The following NUP160 variants were observed in gnomAD, a reference collection of about 807,000 sequenced individuals.
NUP160 encodes nucleoporin 160.
A neutral mutation model predicts 196.9 loss-of-function variants in NUP160; 94 were observed. That is an observed-to-expected ratio of 0.48 (90% confidence interval 0.40 to 0.57). NUP160 has a LOEUF of 0.57. Ranked by LOEUF, NUP160 falls within the 20% of genes least tolerant of loss-of-function variation. NUP160 has a pLI of 0.00. For missense variants in NUP160, 1,638 were observed against 1,748.3 expected (o/e 0.94, Z 1.13); for synonymous variants, 605 against 619.7 (o/e 0.98, Z 0.35).
In NUP160 at chr11:47,806,314, T is replaced by G; in HGVS notation, c.2447-2A>C. ...CCACAATAGTCTGAGGACTAGATAC[T>G]TAAAAAGAAAAAGTTATGACAGTTT... On this transcript the variant is annotated splice_acceptor_variant, in intron 19 of 35. Coordinates refer to ENST00000378460, the Ensembl canonical transcript of NUP160. LOFTEE classifies it high-confidence loss of function. 1 of 1,604,566 alleles carries G rather than the reference T, an allele frequency of 6.2e-7. No homozygotes were observed. Among genetic ancestry groups the G allele is most frequent in the Non-Finnish European group, 8.5e-7 (1 of 1,174,662 alleles).
chr11:47,846,360 T>C (rs1238565119), intron 2 of NUP160, among the ~76,000 whole-genome samples: 1 of 152,146 alleles, frequency 6.6e-6, no homozygotes, highest in Non-Finnish European at 1.5e-5. Context: ...AATGCCTACT[T>C]GACATTTCCA....
chr11:47,848,058 A>G (rs1274265884), intron 1 of NUP160, 99 bp from the exon 2 acceptor site: 1 of 1,273,058 alleles, frequency 7.9e-7, no homozygotes, highest in African/African-American at 1.5e-5. Flanking sequence ...GACAACCCAT[A>G]CAAAGAAAAG....
intron 23 of NUP160, among the ~76,000 whole-genome samples, chr11:47,798,822 C>T (rs2097672420): frequency 6.6e-6 from 1 of 151,558 alleles, no homozygotes; most frequent in Non-Finnish European, 1.5e-5. Context: ...ATAGCACGAC[C>T]CTGTCTCTAT....
chr11:47,811,764 G>GA (rs1256092978), intron 17 of NUP160, among the ~76,000 whole-genome samples: 1 of 152,096 alleles, frequency 6.6e-6, no homozygotes, highest in Non-Finnish European at 1.5e-5. Flanking sequence ...TTGCTGCACA[G>GA]ATCAACCCAA....
intron 2 of NUP160, among the ~76,000 whole-genome samples, chr11:47,842,424 G>A (rs1417793676): frequency 2.0e-5 from 3 of 152,070 alleles, no homozygotes; most frequent in Admixed American, 6.6e-5. Flanking sequence ...CCTGCCTTAC[G>A]GTTAAAGTTG....
chr11:47,788,373 T>C, intron 30 of NUP160, 68 bp from the exon 31 acceptor site: 1 of 1,600,330 alleles, frequency 6.2e-7, no homozygotes, highest in Admixed American at 1.7e-5. Flanking sequence ...AGATTTTGTT[T>C]TGTTGATGAG....
At chr11:47,794,772 C>T (rs1468666772) in intron 27 of NUP160, among the ~76,000 whole-genome samples, 2 of 151,694 alleles carry the variant, frequency 1.3e-5, no homozygotes, top group African/African-American at 4.8e-5. Flanking sequence ...AATTGTCGAG[C>T]GTGGTGGTGC....
At chr11:47,805,326 T>C (rs764819039) in intron 20 of NUP160, among the ~76,000 whole-genome samples, 56 of 152,256 alleles carry the variant, frequency 3.7e-4, no homozygotes, top group Non-Finnish European at 4.4e-4. Context: ...AGGCGAGGTT[T>C]CACCATGTTG....
chr11:47,840,620 T>C, intron 2 of NUP160, 32 bp from the exon 3 acceptor site: 1 of 1,485,732 alleles, frequency 6.7e-7, no homozygotes, highest in Non-Finnish European at 9.2e-7. Context: ...TTTGAAAAGT[T>C]TATGCTTTTC....
At position 47,835,176 on chromosome 11, in the gene NUP160, G is replaced by C. The variant is rs1196491591; in HGVS notation, c.1101+475C>G. Among the ~76,000 whole-genome samples the C allele has an allele frequency of 2.0e-5, 3 of 152,112 alleles. No individual in the cohort carries two copies. In the South Asian group the frequency reaches 6.2e-4, roughly 32 times the overall value. On this transcript the variant is annotated intron_variant, in intron 7 of 35. Transcript: ENST00000378460. Reference sequence around the variant, plus strand: ...AGCCCAGAGTAAGCACAATCCCAGTGTCTGCTATTATTAATGTGCATAAAG... The same window carrying C: ...AGCCCAGAGTAAGCACAATCCCAGTCTCTGCTATTATTAATGTGCATAAAG...
At chr11:47,791,512 T>G (rs1202007615) in intron 29 of NUP160, among the ~76,000 whole-genome samples, 1 of 152,134 alleles carries the variant, frequency 6.6e-6, no homozygotes, top group Non-Finnish European at 1.5e-5. Context: ...AGCTAATTTT[T>G]GTATTTTTAG....
intron 29 of NUP160, among the ~76,000 whole-genome samples, chr11:47,790,466 G>A (rs1401611794): frequency 2.0e-5 from 3 of 152,016 alleles, no homozygotes; most frequent in Non-Finnish European, 2.9e-5. Flanking sequence ...TCATCATGTT[G>A]GCCAGGCTGG....
chr11:47,815,702 T>C (rs2135378990), intron 12 of NUP160, 53 bp from the exon 13 acceptor site: 1 of 1,449,336 alleles, frequency 6.9e-7, no homozygotes, highest in East Asian at 2.3e-5. Context: ...TCAGGATCTT[T>C]GTCCACAAAA....
At chr11:47,848,469 G>T, upstream of NUP160, 1 of 1,372,922 alleles carries the variant, frequency 7.3e-7, no homozygotes, top group South Asian at 1.4e-5. Flanking sequence ...GGCTTCCACC[G>T]GGAGAATGAG....
In NUP160 at chr11:47,835,969, G is replaced by A. The variant is rs534142677; in HGVS notation, c.943-160C>T. Among the ~76,000 whole-genome samples, 6 of 152,280 alleles carry A rather than the reference G, an allele frequency of 3.9e-5. No homozygotes were observed. The East Asian group carries it at 9.6e-4, about 24-fold the overall frequency. ...TGTTTCAAAAGGGCTAACACAGGCC[G>A]GGCGCAGTGGCTCACGTCTGTAATC... On this transcript the variant is annotated intron_variant, in intron 6 of 35. Coordinates refer to ENST00000378460, the Ensembl canonical transcript of NUP160.
chr11:47,804,365 A>G, intron 21 of NUP160, 184 bp downstream of exon 21: 1 of 526,090 alleles, frequency 1.9e-6, no homozygotes, highest in Non-Finnish European at 3.3e-6. Context: ...CGTAGATCAG[A>G]CAAAATCAAG....
intron 26 of NUP160, 46 bp from the exon 27 acceptor site, chr11:47,797,930 G>A (rs1307194738): frequency 6.4e-7 from 1 of 1,555,524 alleles, no homozygotes; most frequent in African/African-American, 1.4e-5. Flanking sequence ...TAGCAATCAT[G>A]GCAACCACCA....
Position 47,814,070 on chromosome 11 carries a change from CA to C in NUP160, c.1687-656del, listed in dbSNP as rs5791787. On this transcript the variant is annotated intron_variant, in intron 13 of 35. Transcript: ENST00000378460. ...TGGGTGACAGAGCGAGACTCTGTCTCAAAAAAAAAAAAAAAAAAAAAAAAGA... is the reference window on the plus strand; with the variant it reads ...TGGGTGACAGAGCGAGACTCTGTCTCAAAAAAAAAAAAAAAAAAAAAAAGA... Among the ~76,000 whole-genome samples the C allele has an allele frequency of 9.2e-3, 368 of 39,790 alleles. 1 individual carries two copies. Among genetic ancestry groups the C allele is most frequent in the African/African-American group, 0.029 (356 of 12,140 alleles). The allele number at this position is 39,790 out of a possible 152,430, so 26.1% of individuals were successfully genotyped here.
At chr11:47,813,759 G>T (rs1356549755) in intron 13 of NUP160, among the ~76,000 whole-genome samples, 3 of 151,946 alleles carry the variant, frequency 2.0e-5, no homozygotes, top group Non-Finnish European at 4.4e-5. Context: ...CTGGGAGGTT[G>T]AAGCTGCAGT....
Sources: allele counts gnomAD v4.1 joint callset (sites outside exome capture counted in the v4.1 genomes callset), GRCh38; gene constraint gnomAD v4.1.1; transcripts MANE v1.5; gene names NCBI Gene and HGNC (gene_info 2026-07-23, HGNC 2026-07-21).